NCOA1: variants seen among roughly 807,000 people sequenced by gnomAD.
NCOA1 encodes Hin-2 protein.
Under a neutral mutation model 150.9 loss-of-function variants are expected in NCOA1, and 35 were observed. That is an observed-to-expected ratio of 0.23 (90% CI 0.18 to 0.31). The LOEUF (loss-of-function observed/expected upper bound fraction) is 0.31, where lower values mean the gene tolerates loss of function less well. Ranked by LOEUF, NCOA1 falls within the 10% of genes least tolerant of loss-of-function variation. NCOA1 has a pLI of 1.00. For missense variants in NCOA1, 1,491 were observed against 1,749.3 expected (o/e 0.85, Z 2.63); for synonymous variants, 590 against 630.0 (o/e 0.94, Z 0.95).
At chr2:24,755,472 T>C (rs1312105726) in intron 20 of NCOA1, among the ~76,000 whole-genome samples, 1 of 152,272 alleles carries the variant, frequency 6.6e-6, no homozygotes, top group African/African-American at 2.4e-5. Context: ...TGGAACCCAC[T>C]CTGGGCCAGA....
rs765973348 is a variant in NCOA1, at chr2:24,693,469, T to C, written c.808+122T>C. 8.7e-5 allele frequency: 68 copies of C among 780,062 alleles called. 1 individual carries two copies. Among genetic ancestry groups the C allele is most frequent in the Non-Finnish European group, 1.3e-4 (59 of 465,838 alleles). 48.3% of individuals were successfully genotyped at this position (780,062 alleles called of 1,614,324 possible). ...ATTTAGGCTTTGCTCCCTAGTCTTATACAGAAAACATTTTAAATGGTGCTC... is the reference window on the plus strand; with the variant it reads ...ATTTAGGCTTTGCTCCCTAGTCTTACACAGAAAACATTTTAAATGGTGCTC... On this transcript the variant is annotated intron_variant, in intron 10 of 22. Coordinates refer to ENST00000348332, the MANE Select transcript of NCOA1 (RefSeq NM_003743.5).
chr2:24,669,337 C>G (rs1451968338), intron 6 of NCOA1, among the ~76,000 whole-genome samples: 2 of 152,104 alleles, frequency 1.3e-5, no homozygotes, highest in Non-Finnish European at 2.9e-5. Flanking sequence ...TTAGACATGG[C>G]CCCCTTGTCC....
intron 1 of NCOA1, among the ~76,000 whole-genome samples, chr2:24,510,541 C>G (rs983751893): frequency 1.3e-5 from 2 of 151,954 alleles, no homozygotes; most frequent in Non-Finnish European, 2.9e-5. Flanking sequence ...TGGGTTCTCC[C>G]TGTGTTGCCC....
At chr2:24,762,832 G>A (rs1664853558) in intron 22 of NCOA1, 56 bp downstream of exon 22, 5 of 1,463,882 alleles carry the variant, frequency 3.4e-6, no homozygotes, top group Non-Finnish European at 4.8e-6. Context: ...ATGCACAGAG[G>A]TCATTGTGTA....
At chr2:24,651,859 A>C (rs1670724741) in intron 4 of NCOA1, among the ~76,000 whole-genome samples, 1 of 152,058 alleles carries the variant, frequency 6.6e-6, no homozygotes. Flanking sequence ...GGATGGCTGT[A>C]ATTTTTTAAA....
chr2:24,576,149 G>GTTTTTTTTTTTTTTTTTTTTT lies in NCOA1; in HGVS notation c.-259-8314_-259-8313insTTTTTTTTTTTTTTTTTTTTT, dbSNP rs1183405187. ...GAGTTTCAGAAATTATTTGGCCTTT[G>GTTTTTTTTTTTTTTTTTTTTT]TTTTTTTTTTTTTGTTTTTTGTTTT... is the stretch of plus-strand genomic sequence containing the variant. On this transcript the variant is annotated intron_variant, in intron 2 of 22. Transcript: ENST00000348332. Among the ~76,000 whole-genome samples, 68 of 93,992 alleles carry GTTTTTTTTTTTTTTTTTTTTT rather than the reference G, an allele frequency of 7.2e-4. 8 individuals carry two copies. Among genetic ancestry groups the GTTTTTTTTTTTTTTTTTTTTT allele is most frequent in the Non-Finnish European group, 1.0e-3 (50 of 48,856 alleles). 61.7% of individuals were successfully genotyped at this position (93,992 alleles called of 152,430 possible). A position where few individuals can be genotyped will look rare whatever the true frequency, so the allele number is the denominator to read the frequency against.
intron 1 of NCOA1, among the ~76,000 whole-genome samples, chr2:24,521,716 T>C (rs1192922836): frequency 6.6e-6 from 1 of 152,194 alleles, no homozygotes; most frequent in Non-Finnish European, 1.5e-5. Context: ...CTCCTTAATA[T>C]ACTGACTTCA....
Position 24,758,115 on chromosome 2 carries a change from T to A in NCOA1, c.4024T>A (p.Ser1342Thr). ...NPMMAQMQMS[S>T]LQMPGMNTVC... ...AATGATGGCCCAGATGCAGATGAGCTCTTTGCAGATGCCAGGAATGAACAC... is the reference window on the plus strand; with the variant it reads ...AATGATGGCCCAGATGCAGATGAGCACTTTGCAGATGCCAGGAATGAACAC... Residue 1342 changes from serine to threonine, a missense_variant, in exon 21 of 23, where the codon TCT becomes ACT. Physicochemically the swap from Ser to Thr is moderately conservative, Grantham distance 58 (BLOSUM62 1). Transcript: ENST00000348332. 6.2e-7 allele frequency: 1 copy of A among 1,614,002 alleles called. No homozygotes were observed. The highest frequency in any genetic ancestry group is 8.5e-7 in the Non-Finnish European group (1 of 1,179,976).
intron 1 of NCOA1, among the ~76,000 whole-genome samples, chr2:24,507,672 C>T (rs1013759211): frequency 3.9e-5 from 6 of 151,900 alleles, no homozygotes; most frequent in African/African-American, 1.5e-4. Context: ...CGTCTCGGTA[C>T]CAGGAAAAGC....
intron 3 of NCOA1, among the ~76,000 whole-genome samples, chr2:24,628,879 G>A (rs1267088740): frequency 3.9e-5 from 6 of 152,190 alleles, no homozygotes; most frequent in Non-Finnish European, 8.8e-5. Context: ...GAGTGGCTAT[G>A]CTGTGAGTTT....
intron 1 of NCOA1, among the ~76,000 whole-genome samples, chr2:24,499,026 T>A (rs1297900203): frequency 1.3e-5 from 2 of 152,214 alleles, no homozygotes; most frequent in African/African-American, 4.8e-5. Context: ...TTTTTGTTTT[T>A]TACTTTTGAT....
chr2:24,710,602 C>T (rs893743045), intron 13 of NCOA1, among the ~76,000 whole-genome samples: 1 of 152,148 alleles, frequency 6.6e-6, no homozygotes, highest in Non-Finnish European at 1.5e-5. Flanking sequence ...ATGCTATCAT[C>T]ATAACACAGT....
chr2:24,492,383 C>T (rs1663011281), intron 1 of NCOA1, among the ~76,000 whole-genome samples: 2 of 152,188 alleles, frequency 1.3e-5, no homozygotes, highest in South Asian at 4.1e-4. Context: ...AAAAATCGGA[C>T]ACCCAGGGTC....
intron 14 of NCOA1, among the ~76,000 whole-genome samples, chr2:24,716,322 A>T (rs1487075037): frequency 6.6e-6 from 1 of 152,092 alleles, no homozygotes; most frequent in Non-Finnish European, 1.5e-5. Flanking sequence ...AGCACCAGTC[A>T]TCAAGATGGT....
At chr2:24,713,012 T>C (rs1673833195) in intron 14 of NCOA1, among the ~76,000 whole-genome samples, 1 of 152,124 alleles carries the variant, frequency 6.6e-6, no homozygotes, top group South Asian at 2.1e-4. Context: ...GCGGATCACC[T>C]GAGGTCAGGA....
At chr2:24,576,170 G>GTTTTTGTTTTTGTTTTTTTTTTTTTTTTT (rs1666967476) in intron 2 of NCOA1, among the ~76,000 whole-genome samples, 2 of 46,330 alleles carry the variant, frequency 4.3e-5, no homozygotes, top group African/African-American at 1.3e-4. Flanking sequence ...TTTGTTTTTT[G>GTTTTTGTTTTTGTTTTTTTTTTTTTTTTT]TTTTTTTTTT....
At chr2:24,693,526 T>C (rs1434073802) in intron 10 of NCOA1, among the ~76,000 whole-genome samples, 179 bp downstream of exon 10, 7 of 152,164 alleles carry the variant, frequency 4.6e-5, no homozygotes, top group Non-Finnish European at 8.8e-5. Context: ...ACTATGATCA[T>C]TATCATGGTC....
chr2:24,656,044 C>T (rs1402434944), intron 4 of NCOA1, among the ~76,000 whole-genome samples: 4 of 149,616 alleles, frequency 2.7e-5, no homozygotes, highest in South Asian at 2.1e-4. Flanking sequence ...GCTGAGATCC[C>T]GCCACTGCAC....
intron 1 of NCOA1, among the ~76,000 whole-genome samples, chr2:24,533,643 G>GT: frequency 6.6e-6 from 1 of 152,274 alleles, no homozygotes; most frequent in African/African-American, 2.4e-5. Context: ...TTTATTGAGA[G>GT]TTTTTAGCAT....
Sources: gnomAD v4.1 joint callset for allele counts (sites outside exome capture counted in the v4.1 genomes callset) on GRCh38, gnomAD v4.1.1 for gene constraint, MANE v1.5 for transcripts, NCBI Gene and HGNC (gene_info 2026-07-23, HGNC 2026-07-21) for gene names.